The following TNRC6B variants were observed in gnomAD, a reference collection of about 807,000 sequenced individuals.
The protein encoded by TNRC6B is trinucleotide repeat containing adaptor 6B.
A neutral mutation model predicts 203.6 loss-of-function variants in TNRC6B; 52 were observed. The ratio of observed to expected loss-of-function variants is 0.26; its 90% confidence interval spans 0.20 to 0.32. TNRC6B has a LOEUF of 0.32. Among genes scored for constraint, TNRC6B ranks in the 10% least tolerant of loss-of-function variants. The probability of loss-of-function intolerance (pLI) is 1.00; values close to 1 mark genes in which losing one functional copy is unlikely to be tolerated. For synonymous variants in TNRC6B, 838 were observed against 845.7 expected (o/e 0.99, Z 0.16); for missense variants, 1,923 against 2,286.2 (o/e 0.84, Z 3.24).
At chr22:40,136,668 G>A (rs1354425770) in intron 3 of TNRC6B, among the ~76,000 whole-genome samples, 1 of 151,628 alleles carries the variant, frequency 6.6e-6, no homozygotes, top group Non-Finnish European at 1.5e-5. Flanking sequence ...CTTAGCCTCC[G>A]AAAGTGTTGA....
intron 5 of TNRC6B, among the ~76,000 whole-genome samples, chr22:40,268,008 A>G (rs543242146): frequency 6.6e-6 from 1 of 152,334 alleles, no homozygotes; most frequent in East Asian, 1.9e-4. Context: ...GTCAACTTGA[A>G]TGTCCCTATA....
intron 3 of TNRC6B, among the ~76,000 whole-genome samples, chr22:40,254,897 AAAAC>A (rs1007828532): frequency 1.3e-5 from 2 of 152,068 alleles, no homozygotes; most frequent in Non-Finnish European, 2.9e-5. Context: ...AAAAAAAACA[AAAAC>A]AAACAAACCT....
intron 4 of TNRC6B, among the ~76,000 whole-genome samples, chr22:40,262,486 C>A (rs1017090876): frequency 7.2e-5 from 11 of 152,022 alleles, no homozygotes; most frequent in Non-Finnish European, 1.6e-4. Flanking sequence ...CATATGTGTT[C>A]AGGGCATAAT....
rs570576453 is a variant in TNRC6B, at chr22:40,318,375, A to G, written c.4974+2363A>G. 4.7e-4 allele frequency among the ~76,000 whole-genome samples: 71 copies of G among 152,146 alleles called. 1 individual carries two copies. Among genetic ancestry groups the G allele is most frequent in the South Asian group, 3.5e-3 (17 of 4,828 alleles). On this transcript the variant is annotated intron_variant, in intron 21 of 22. Transcript: ENST00000454349. ...ATCCTGGCTAACATGGTGAAACCCC[A>G]TCTTTACTAAAAATACAAAAAATTA...
intron 3 of TNRC6B, among the ~76,000 whole-genome samples, chr22:40,146,731 T>A (rs939498116): frequency 1.3e-5 from 2 of 152,124 alleles, no homozygotes; most frequent in African/African-American, 4.8e-5. Flanking sequence ...GGCTAATTTT[T>A]TGTGTGTGTT....
rs529256422 is a variant in TNRC6B at position 40,260,629 on chromosome 22, G to A, written c.116-1203G>A. ...GGGGCTTCAATAAAGTTTACTCAGGGGTAGATCTTTTAAGAATGTGGATGA... is the reference window on the plus strand; with the variant it reads ...GGGGCTTCAATAAAGTTTACTCAGGAGTAGATCTTTTAAGAATGTGGATGA... On this transcript the variant is annotated intron_variant, in intron 3 of 22. Transcript: ENST00000454349. Among the ~76,000 whole-genome samples, 16 of 151,942 alleles carry A rather than the reference G, an allele frequency of 1.1e-4. No homozygotes were observed. The South Asian group carries it at 2.9e-3, about 28-fold the overall frequency.
chr22:40,096,045 T>C (rs6001757), intron 1 of TNRC6B, among the ~76,000 whole-genome samples: 3,889 of 152,210 alleles, frequency 0.026, 170 homozygotes, highest in African/African-American at 0.088. Context: ...TCTTACTGAG[T>C]TGATTGTCTT....
intron 1 of TNRC6B, among the ~76,000 whole-genome samples, chr22:40,198,795 T>G (rs1417344270): frequency 2.0e-5 from 3 of 152,162 alleles, no homozygotes; most frequent in Admixed American, 6.5e-5. Context: ...GCATGTGTAT[T>G]TATATGCATA....
intron 1 of TNRC6B, among the ~76,000 whole-genome samples, chr22:40,057,761 G>A (rs1206523727): frequency 6.6e-6 from 1 of 152,126 alleles, no homozygotes; most frequent in Non-Finnish European, 1.5e-5. Context: ...GTGGAGGAAG[G>A]CAATCCAAAG....
In TNRC6B at chr22:40,329,169, A is replaced by C. The variant is rs1018694922; in HGVS notation, c.*5928A>C. 6.6e-6 allele frequency: 1 copy of C among 152,254 alleles called. No individual in the cohort carries two copies. 9.4% of individuals were successfully genotyped at this position (152,254 alleles called of 1,614,324 possible). On this transcript the variant is annotated 3_prime_UTR_variant, in exon 23 of 23. Coordinates refer to ENST00000454349, the MANE Select transcript of TNRC6B (RefSeq NM_001162501.2). ...AATGAATTGTCAGTCTTCAGACCTC[A>C]TGGTCGTTAAGAAAATAGGGAACTC...
At chr22:40,133,930 A>G (rs1281413006) in intron 3 of TNRC6B, among the ~76,000 whole-genome samples, 1 of 134,762 alleles carries the variant, frequency 7.4e-6, no homozygotes, top group Non-Finnish European at 1.6e-5. Context: ...AGACCGTGAC[A>G]TTGTACTCCA....
intron 3 of TNRC6B, among the ~76,000 whole-genome samples, chr22:40,148,953 C>T (rs2068720957): frequency 6.6e-6 from 1 of 152,148 alleles, no homozygotes; most frequent in South Asian, 2.1e-4. Flanking sequence ...GACTTCTAGC[C>T]TCTAGAACAG....
intron 1 of TNRC6B, among the ~76,000 whole-genome samples, chr22:40,207,892 C>G (rs1280260398): frequency 1.3e-5 from 2 of 151,962 alleles, no homozygotes; most frequent in African/African-American, 4.8e-5. Context: ...GTGGGCAGAT[C>G]ACGAGGTCAG....
intron 1 of TNRC6B, among the ~76,000 whole-genome samples, chr22:40,205,881 T>G (rs1401829606): frequency 2.0e-5 from 3 of 152,214 alleles, no homozygotes. Context: ...AAAGTCTTTT[T>G]GGGTTCTGAG....
chr22:40,294,359 A>G (rs1231124317), intron 12 of TNRC6B, among the ~76,000 whole-genome samples: 1 of 151,970 alleles, frequency 6.6e-6, no homozygotes, highest in Non-Finnish European at 1.5e-5. Flanking sequence ...TCATCATCCG[A>G]TGTTCTCCCG....
intron 1 of TNRC6B, among the ~76,000 whole-genome samples, chr22:40,060,803 G>A (rs2067843337): frequency 6.6e-6 from 1 of 152,202 alleles, no homozygotes; most frequent in South Asian, 2.1e-4. Context: ...TGTGTGAAGT[G>A]TTGTCTACTA....
At chr22:40,190,446 T>G (rs2069256555) in intron 1 of TNRC6B, among the ~76,000 whole-genome samples, 1 of 152,244 alleles carries the variant, frequency 6.6e-6, no homozygotes, top group Non-Finnish European at 1.5e-5. Flanking sequence ...TTTTAACCTG[T>G]TGGCTCTTCA....
intron 3 of TNRC6B, among the ~76,000 whole-genome samples, chr22:40,259,369 G>A (rs1358950904): frequency 2.0e-5 from 3 of 151,982 alleles, no homozygotes; most frequent in African/African-American, 4.8e-5. Context: ...GAATACAGGC[G>A]CATGCCACCA....
Position 40,148,283 on chromosome 22 carries a change from C to CTTTT in TNRC6B, c.46-7816_46-7813dup, listed in dbSNP as rs907310952. 6.2e-5 allele frequency among the ~76,000 whole-genome samples: 8 copies of CTTTT among 128,796 alleles called. No homozygotes were observed. In the East Asian group the frequency reaches 1.3e-3, roughly 21 times the overall value. 84.5% of individuals were successfully genotyped at this position (128,796 alleles called of 152,430 possible). A position where few individuals can be genotyped will look rare whatever the true frequency, so the allele number is the denominator to read the frequency against. ...CTACAACCACGTTGGAAAACAGTTT[C>CTTTT]TTTTTTTTTTTTTTTTTTTGAGACA... On this transcript the variant is annotated intron_variant, in intron 3 of 23. Transcript: ENST00000301923.
Sources: allele counts gnomAD v4.1 joint callset (sites outside exome capture counted in the v4.1 genomes callset), GRCh38; gene constraint gnomAD v4.1.1; transcripts MANE v1.5; gene names NCBI Gene and HGNC (gene_info 2026-07-23, HGNC 2026-07-21).